The following FAT3 variants were observed in gnomAD, a reference collection of about 807,000 sequenced individuals.
FAT3 encodes FAT atypical cadherin 3, also known as protocadherin Fat 3.
In FAT3, 95 loss-of-function variants were observed where a neutral mutation model predicts 310.2. The ratio of observed to expected loss-of-function variants is 0.31; its 90% CI spans 0.26 to 0.36. The LOEUF is 0.36. Among genes scored for constraint, FAT3 ranks in the 10% least tolerant of loss-of-function variants. FAT3 has a pLI of 1.00. For missense variants in FAT3, 5,408 were observed against 5,715.6 expected, an observed-to-expected ratio of 0.95 and a Z score of 1.74; for synonymous variants, 2,314 against 2,192.9, an observed-to-expected ratio of 1.06 and a Z score of -1.54.
chr11:92,384,396 T>C (rs559472947), intron 2 of FAT3, among the ~76,000 whole-genome samples: 3 of 152,210 alleles, frequency 2.0e-5, no homozygotes, highest in Non-Finnish European at 2.9e-5. Context: ...GACAAAATTA[T>C]ATTTCTCATC....
chr11:92,837,614 G>A, intron 16 of FAT3, 49 bp from the exon 17 acceptor site: 1 of 1,604,494 alleles, frequency 6.2e-7, no homozygotes. Flanking sequence ...GTGCACAGAA[G>A]GAAGGAAGCG....
Position 92,880,802 on chromosome 11 carries a change from A to G in FAT3, c.12199A>G (p.Asn4067Asp), listed in dbSNP as rs1446662491. ...CESEITACFP[N>D]PCRNGGSCDP... ...ATCTGAGATTACAGCCTGCTTCCCAAACCCCTGCCGGAATGGAGGATCCTG... is the reference window on the plus strand; with the variant it reads ...ATCTGAGATTACAGCCTGCTTCCCAGACCCCTGCCGGAATGGAGGATCCTG... Residue 4067 changes from asparagine (N) to aspartate (D), a missense_variant, in exon 23 of 28, where the codon AAC becomes GAC. Asn to Asp is a conservative substitution (Grantham distance 23, BLOSUM62 1). This residue lies in a region of FAT3 where 14 missense variants were observed against 34.4 expected (regional missense o/e 0.41). Transcript: ENST00000525166. The G allele has an allele frequency of 6.2e-7, 1 of 1,613,900 alleles. No individual in the cohort carries two copies. Among genetic ancestry groups the G allele is most frequent in the African/African-American group, 1.3e-5 (1 of 75,010 alleles).
chr11:92,283,646 G>A (rs921803088), intron 1 of FAT3, among the ~76,000 whole-genome samples: 6 of 152,168 alleles, frequency 3.9e-5, no homozygotes, highest in African/African-American at 7.2e-5. Context: ...GCTAAGTGAT[G>A]TACTTGTCTT....
chr11:92,624,965 AT>A (rs1232809885), intron 3 of FAT3, among the ~76,000 whole-genome samples: 1 of 152,076 alleles, frequency 6.6e-6, no homozygotes, highest in Non-Finnish European at 1.5e-5. Flanking sequence ...CTGTATCCAG[AT>A]TTTCCCCTTT....
At chr11:92,700,682 T>A (rs1591623767) in intron 4 of FAT3, among the ~76,000 whole-genome samples, 1 of 152,318 alleles carries the variant, frequency 6.6e-6, no homozygotes, top group East Asian at 1.9e-4. Context: ...TCCAGCAACC[T>A]CGTTGCCCTA....
intron 17 of FAT3, 74 bp from the exon 18 acceptor site, chr11:92,840,488 T>G: frequency 7.6e-7 from 1 of 1,323,692 alleles, no homozygotes; most frequent in Non-Finnish European, 1.0e-6. Flanking sequence ...TTTGATTTGT[T>G]TTGTTTTGTT....
At chr11:92,728,803 C>A (rs1211226906) in intron 4 of FAT3, among the ~76,000 whole-genome samples, 1 of 152,136 alleles carries the variant, frequency 6.6e-6, no homozygotes, top group Non-Finnish European at 1.5e-5. Flanking sequence ...TCCCTCTAAT[C>A]TCTGTTTCTT....
intron 2 of FAT3, among the ~76,000 whole-genome samples, chr11:92,503,692 A>C (rs937916995): frequency 6.6e-6 from 1 of 152,066 alleles, no homozygotes; most frequent in Admixed American, 6.6e-5. Context: ...CATTACAGAC[A>C]ACACACTCTG....
intron 4 of FAT3, among the ~76,000 whole-genome samples, chr11:92,710,842 G>A (rs891506720): frequency 6.6e-6 from 1 of 152,216 alleles, no homozygotes; most frequent in Non-Finnish European, 1.5e-5. Flanking sequence ...AAGGAAGAGT[G>A]AACTCAGTTT....
chr11:92,462,851 T>C (rs1421230679), intron 2 of FAT3, among the ~76,000 whole-genome samples: 1 of 152,222 alleles, frequency 6.6e-6, no homozygotes, highest in African/African-American at 2.4e-5. Context: ...CCCTGGCCAA[T>C]AGAACTTCCA....
rs567867609 is a variant in FAT3, at chr11:92,895,478, A to G, written c.*4365A>G. ...GCAATAATTACAAGTAGGTAATAATACACAAAGGCCATAATTAGTCTCTTC... is the reference window on the plus strand; with the variant it reads ...GCAATAATTACAAGTAGGTAATAATGCACAAAGGCCATAATTAGTCTCTTC... On this transcript the variant is annotated 3_prime_UTR_variant, in exon 28 of 28. Transcript: ENST00000525166. 5 of 152,256 alleles carry G rather than the reference A, an allele frequency of 3.3e-5. No individual in the cohort carries two copies. Among genetic ancestry groups the G allele is most frequent in the Admixed American group, 6.5e-5 (1 of 15,284 alleles). The allele number at this position is 152,256 out of a possible 1,614,324, so 9.4% of individuals were successfully genotyped here.
chr11:92,638,933 C>A (rs1017081493), intron 3 of FAT3, among the ~76,000 whole-genome samples: 1 of 152,178 alleles, frequency 6.6e-6, no homozygotes, highest in Non-Finnish European at 1.5e-5. Context: ...CTACTAATCT[C>A]ATATAAGCCA....
intron 3 of FAT3, among the ~76,000 whole-genome samples, chr11:92,595,521 T>C (rs1473741953): frequency 6.6e-6 from 1 of 152,210 alleles, no homozygotes; most frequent in Non-Finnish European, 1.5e-5. Context: ...TAGTACTTCC[T>C]GGCCCAGGAT....
intron 2 of FAT3, among the ~76,000 whole-genome samples, chr11:92,496,621 G>A (rs1015208481): frequency 2.6e-5 from 4 of 151,966 alleles, no homozygotes; most frequent in African/African-American, 7.2e-5. Flanking sequence ...CCGTGACTGC[G>A]GTGAGCCTCT....
chr11:92,565,115 A>G (rs953584181), intron 3 of FAT3, among the ~76,000 whole-genome samples: 1 of 137,412 alleles, frequency 7.3e-6, no homozygotes, highest in Non-Finnish European at 1.6e-5. Context: ...TTTTGAAAGG[A>G]TCAACAAAAT....
At chr11:92,605,013 A>AGGACAGGT (rs1247000539) in intron 3 of FAT3, among the ~76,000 whole-genome samples, 1 of 152,256 alleles carries the variant, frequency 6.6e-6, no homozygotes, top group African/African-American at 2.4e-5. Flanking sequence ...TGCCTGGCCT[A>AGGACAGGT]GGACAGGTGC....
intron 3 of FAT3, among the ~76,000 whole-genome samples, chr11:92,589,188 G>C (rs969958992): frequency 6.6e-6 from 1 of 152,040 alleles, no homozygotes; most frequent in African/African-American, 2.4e-5. Context: ...AGGGCACATG[G>C]CTTGACTTTT....
chr11:92,517,333 A>G (rs996713518), intron 2 of FAT3, among the ~76,000 whole-genome samples: 2 of 152,294 alleles, frequency 1.3e-5, no homozygotes, highest in Middle Eastern at 3.4e-3. Context: ...CCACACATTT[A>G]CAACCATCTG....
chr11:92,225,957 C>G (rs1863887117), intron 1 of FAT3, among the ~76,000 whole-genome samples: 1 of 80,900 alleles, frequency 1.2e-5, no homozygotes, highest in Admixed American at 1.5e-4. Flanking sequence ...AAGAAAGCAG[C>G]GCGGGTCTGA....
Sources: gnomAD v4.1 joint callset for allele counts (sites outside exome capture counted in the v4.1 genomes callset) on GRCh38, gnomAD v4.1.1 for gene constraint, gnomAD v4.1.1 regional missense constraint, MANE v1.5 for transcripts, NCBI Gene and HGNC (gene_info 2026-07-23, HGNC 2026-07-21) for gene names.